PATZ1: variants seen among roughly 807,000 people sequenced by gnomAD.
The protein encoded by PATZ1 is POZ/BTB and AT hook containing zinc finger 1, also known as POZ-, AT hook-, and zinc finger-containing protein 1.
PATZ1 carries 9 observed loss-of-function variants against 46.2 expected under a neutral mutation model. The observed-to-expected ratio is 0.19, with a 90% CI of 0.12 to 0.34. The LOEUF is 0.34. Among genes scored for constraint, PATZ1 ranks in the 10% least tolerant of loss-of-function variants. PATZ1 has a pLI of 1.00. For missense variants in PATZ1, 632 were observed against 923.0 expected, an observed-to-expected ratio of 0.68 and a Z score of 4.08; for synonymous variants, 426 against 378.6, an observed-to-expected ratio of 1.13 and a Z score of -1.45.
Position 31,344,395 on chromosome 22 carries a change from C to T in PATZ1, c.1208G>A (p.Arg403Gln). 1 of 1,614,122 alleles carries T rather than the reference C, an allele frequency of 6.2e-7. No individual in the cohort carries two copies. The highest frequency in any genetic ancestry group is 8.5e-7 in the Non-Finnish European group (1 of 1,179,994). The change falls in exon 1 of 5, where the codon CGG (arginine) becomes CAG (glutamine). Residue 403 changes from arginine (R) to glutamine (Q), a missense_variant. By Grantham distance (43) the Arg-to-Gln change is conservative (BLOSUM62 1). Coordinates refer to ENST00000266269, the MANE Select transcript of PATZ1 (RefSeq NM_014323.3). ...CTTGCCCACGGACCCATCATGGGAC[C>T]GCACATGGTAGGACATGCGGTCTTT... ...KRKDRMSYHV[R>Q]SHDGSVGKPY...
intron 3 of PATZ1, among the ~76,000 whole-genome samples, chr22:31,331,455 T>C (rs1323342567): frequency 2.6e-5 from 4 of 151,424 alleles, no homozygotes; most frequent in Non-Finnish European, 5.9e-5. Context: ...TTCTCCTGCC[T>C]CAGCCTCCCT....
At chr22:31,342,829 C>T in intron 2 of PATZ1, 68 bp downstream of exon 2, 3 of 1,572,336 alleles carry the variant, frequency 1.9e-6, no homozygotes, top group South Asian at 1.1e-5. Context: ...CAGCGGCTGG[C>T]TCAAGGCTGC....
intron 2 of PATZ1, chr22:31,341,582 ATG>A: frequency 6.2e-7 from 1 of 1,614,144 alleles, no homozygotes; most frequent in South Asian, 1.1e-5. Flanking sequence ...CAGGAACCGA[ATG>A]GGACGACCTC....
rs1307091014 is a variant in PATZ1 at position 31,344,385 on chromosome 22, A to G, written c.1218T>C (p.Asp406=). 3.7e-6 allele frequency: 6 copies of G among 1,613,908 alleles called. No individual in the cohort carries two copies. Among genetic ancestry groups the G allele is most frequent in the African/African-American group, 1.3e-5 (1 of 74,916 alleles). Residue 406 remains aspartate, a synonymous_variant, in exon 1 of 5, where the codon GAT becomes GAC. Transcript: ENST00000266269. Reference sequence around the variant, plus strand: ...AGATGTAAGGCTTGCCCACGGACCCATCATGGGACCGCACATGGTAGGACA... The same window carrying G: ...AGATGTAAGGCTTGCCCACGGACCCGTCATGGGACCGCACATGGTAGGACA... ...DRMSYHVRSH[D]GSVGKPYICQ...
chr22:31,345,033 G>A lies in PATZ1; in HGVS notation c.570C>T (p.Thr190=). The change falls in exon 1 of 5, where the codon ACC becomes ACT. Residue 190 remains threonine, a synonymous_variant. Coordinates refer to ENST00000266269, the MANE Select transcript of PATZ1 (RefSeq NM_014323.3). The surrounding 1 kb of genome is among the most constrained non-coding windows in gnomAD (Gnocchi z 7.4). ...TGTTGGCTGCCAAGGCTGCCCCGTT[G>A]GTCATGTCCAAAGGGAAGCCCAAGT... is the stretch of plus-strand genomic sequence containing the variant. ...TSDLGFPLDM[T]NGAALAANSN... 6.2e-7 allele frequency: 1 copy of A among 1,614,146 alleles called. No homozygotes were observed. The highest frequency in any genetic ancestry group is 2.2e-5 in the East Asian group (1 of 44,888).
At chr22:31,335,945 G>A in intron 2 of PATZ1, 82 bp from the exon 3 acceptor site, 1 of 1,288,358 alleles carries the variant, frequency 7.8e-7, no homozygotes, top group Non-Finnish European at 1.1e-6. Flanking sequence ...ATGAAGCAAA[G>A]GCAATTTCTG....
intron 3 of PATZ1, among the ~76,000 whole-genome samples, chr22:31,331,187 C>T (rs892562870): frequency 5.3e-5 from 8 of 152,138 alleles, no homozygotes; most frequent in African/African-American, 1.9e-4. Context: ...GGAGACAAGG[C>T]TAATGGGAAA....
At chr22:31,341,317 C>T (rs1378986579) in intron 2 of PATZ1, 1 of 1,479,906 alleles carries the variant, frequency 6.8e-7, no homozygotes, top group Admixed American at 2.4e-5. Flanking sequence ...CAGGAACCAC[C>T]CTGCTAGCCT....
rs376402631 is a variant in PATZ1 at position 31,345,031 on chromosome 22, T to C, written c.572A>G (p.Asn191Ser). 7.3e-5 allele frequency: 118 copies of C among 1,613,962 alleles called. No homozygotes were observed. Among genetic ancestry groups the C allele is most frequent in the East Asian group, 2.0e-4 (9 of 44,892 alleles). ...GCTGTTGGCTGCCAAGGCTGCCCCG[T>C]TGGTCATGTCCAAAGGGAAGCCCAA... Reference protein sequence around the residue: ...SDLGFPLDMTNGAALAANSNG... With the variant: ...SDLGFPLDMTSGAALAANSNG... Residue 191 changes from asparagine to serine, a missense_variant, in exon 1 of 5, where the codon AAC becomes AGC. By Grantham distance (46) the Asn-to-Ser change is conservative. This residue lies in a region of PATZ1 where 279 missense variants were observed against 284.3 expected (regional missense o/e 0.98). Transcript: ENST00000266269. This position sits in a 1 kb window ranked among gnomAD's most constrained non-coding sequence, Gnocchi z 7.4.
chr22:31,326,881 A>G lies in PATZ1; in HGVS notation c.*10T>C. On this transcript the variant is annotated 3_prime_UTR_variant, in exon 5 of 5. Transcript: ENST00000266269. ...CAGATGGTTGTTTCCGTGGGGACACAGCAGCTGCCTCATTTCCCTTCAGGC... is the reference window on the plus strand; with the variant it reads ...CAGATGGTTGTTTCCGTGGGGACACGGCAGCTGCCTCATTTCCCTTCAGGC... The G allele has an allele frequency of 6.2e-7, 1 of 1,604,978 alleles. No homozygotes were observed. The highest frequency in any genetic ancestry group is 8.5e-7 in the Non-Finnish European group (1 of 1,174,556).
In PATZ1 at chr22:31,345,096, G is replaced by A. The variant is rs756985438; in HGVS notation, c.507C>T (p.Arg169=). ...SNVQILVPPA[R]ADIMLFRPPG... ...GGGGGCGAAAGAGCATTATATCGGC[G>A]CGGGCAGGGGGTACCAGGATCTGTA... is the stretch of plus-strand genomic sequence containing the variant. The change falls in exon 1 of 5, where the codon CGC becomes CGT. Residue 169 remains arginine (R), a synonymous_variant. Transcript: ENST00000266269. The surrounding 1 kb of genome is among the most constrained non-coding windows in gnomAD (Gnocchi z 7.4). The A allele has an allele frequency of 9.9e-6, 16 of 1,614,096 alleles. No individual in the cohort carries two copies. Among genetic ancestry groups the A allele is most frequent in the Non-Finnish European group, 1.4e-5 (16 of 1,180,044 alleles).
At position 31,344,315 on chromosome 22, in the gene PATZ1, A is replaced by AG; in HGVS notation, c.1271+16dup. ...AGATAACGTGTGGCAGGGGAGGAAG[A>AG]GGGGGCCTTTCCTCACCTGGAGAAG... is the stretch of plus-strand genomic sequence containing the variant. On this transcript the variant is annotated intron_variant, in intron 1 of 4. Coordinates refer to ENST00000266269, the MANE Select transcript of PATZ1 (RefSeq NM_014323.3). 1 of 1,573,708 alleles carries AG rather than the reference A, an allele frequency of 6.4e-7. No homozygotes were observed. The highest frequency in any genetic ancestry group is 8.6e-7 in the Non-Finnish European group (1 of 1,158,234).
intron 1 of PATZ1, 92 bp downstream of exon 1, chr22:31,344,240 C>T: frequency 8.5e-7 from 1 of 1,170,880 alleles, no homozygotes; most frequent in Admixed American, 2.3e-5. Flanking sequence ...GTCAAATGAC[C>T]CCCACAAATC....
At position 31,346,174 on chromosome 22, in the gene PATZ1, T is replaced by A. The variant is rs1211212469; in HGVS notation, c.-572A>T. On this transcript the variant is annotated 5_prime_UTR_variant, in exon 1 of 5. Coordinates refer to ENST00000266269, the MANE Select transcript of PATZ1 (RefSeq NM_014323.3). ...GGCGGCGGGGCGCGCACGGGGGCGGTGGCGCGGGCCGGGTCCCGGAGCCTG... is the reference window on the plus strand; with the variant it reads ...GGCGGCGGGGCGCGCACGGGGGCGGAGGCGCGGGCCGGGTCCCGGAGCCTG... 7.1e-6 allele frequency: 1 copy of A among 141,204 alleles called. No homozygotes were observed. Among genetic ancestry groups the A allele is most frequent in the Non-Finnish European group, 1.6e-5 (1 of 64,086 alleles). 8.7% of individuals were successfully genotyped at this position (141,204 alleles called of 1,614,324 possible).
In PATZ1 at chr22:31,326,677, T is replaced by G; in HGVS notation, c.*214A>C. 1 of 555,864 alleles carries G rather than the reference T, an allele frequency of 1.8e-6. No homozygotes were observed. Among genetic ancestry groups the G allele is most frequent in the African/African-American group, 1.9e-5 (1 of 53,406 alleles). The allele number at this position is 555,864 out of a possible 1,614,324, so 34.4% of individuals were successfully genotyped here. On this transcript the variant is annotated 3_prime_UTR_variant, in exon 5 of 5. Transcript: ENST00000266269. The stretch of plus-strand genomic sequence containing the variant: ...TTCTGCCCCTGTCCCATACCAAGTC[T>G]CATTGATATTTCTGCAGAATATCAG...
chr22:31,328,410 G>A lies in PATZ1; in HGVS notation c.1645+377C>T, dbSNP rs897411960. Among the ~76,000 whole-genome samples the A allele has an allele frequency of 2.6e-5, 4 of 152,126 alleles. No individual in the cohort carries two copies. The highest frequency in any genetic ancestry group is 6.5e-5 in the Admixed American group (1 of 15,268). ...TCAAAAGAGGAGAAAGCATTCAGCC[G>A]CAGCTCCACACCATCCTAAAGGGCA... On this transcript the variant is annotated intron_variant, in intron 4 of 4. Transcript: ENST00000266269. This position sits in a 1 kb window ranked among gnomAD's most constrained non-coding sequence, Gnocchi z 4.8.
At chr22:31,329,010 G>A (rs1342603633) in intron 3 of PATZ1, 86 bp from the exon 4 acceptor site, 3 of 1,414,070 alleles carry the variant, frequency 2.1e-6, no homozygotes, top group Non-Finnish European at 2.9e-6. Flanking sequence ...TGGCCGCTCT[G>A]GCTAGCATTC....
intron 3 of PATZ1, among the ~76,000 whole-genome samples, chr22:31,334,253 G>GC (rs1473168062): frequency 2.0e-5 from 3 of 152,138 alleles, no homozygotes; most frequent in East Asian, 1.9e-4. Context: ...CCCTGCATGC[G>GC]CAAGCCCACC....
chr22:31,331,329 G>A (rs2049439334), intron 3 of PATZ1, among the ~76,000 whole-genome samples: 1 of 149,058 alleles, frequency 6.7e-6, no homozygotes, highest in African/African-American at 2.5e-5. Flanking sequence ...TACCACTTTA[G>A]AAGGTAATTT....
Sources: allele counts gnomAD v4.1 joint callset (sites outside exome capture counted in the v4.1 genomes callset), GRCh38; gene constraint gnomAD v4.1.1; regional missense constraint gnomAD v4.1.1; non-coding constraint Gnocchi (gnomAD v3.1); transcripts MANE v1.5; gene names NCBI Gene and HGNC (gene_info 2026-07-23, HGNC 2026-07-21).